TMEM132D: variants seen among roughly 807,000 people sequenced by gnomAD.
TMEM132D encodes mature OL transmembrane protein.
Under a neutral mutation model 62.3 loss-of-function variants are expected in TMEM132D, and 21 were observed. That is an observed-to-expected ratio of 0.34 (90% confidence interval 0.24 to 0.49). The LOEUF is 0.49. Among genes scored for constraint, TMEM132D ranks in the 20% least tolerant of loss-of-function variants. TMEM132D has a pLI of 0.99. For synonymous variants in TMEM132D, 621 were observed against 575.6 expected (o/e 1.08, Z -1.13); for missense variants, 1,346 against 1,402.8 (o/e 0.96, Z 0.65).
intron 1 of TMEM132D, among the ~76,000 whole-genome samples, chr12:129,841,484 G>C (rs1186162436): frequency 6.6e-6 from 1 of 152,122 alleles, no homozygotes; most frequent in Non-Finnish European, 1.5e-5. Flanking sequence ...TTTCCTCAAA[G>C]CCATGAACTT....
chr12:129,337,255 A>G (rs1869311548), intron 4 of TMEM132D, among the ~76,000 whole-genome samples: 1 of 151,284 alleles, frequency 6.6e-6, no homozygotes, highest in African/African-American at 2.4e-5. Flanking sequence ...ATCTACATGG[A>G]CTCCAGAGCT....
At chr12:129,865,010 G>A (rs1272535802) in intron 1 of TMEM132D, among the ~76,000 whole-genome samples, 1 of 152,042 alleles carries the variant, frequency 6.6e-6, no homozygotes, top group Non-Finnish European at 1.5e-5. Flanking sequence ...TGCTCATCAT[G>A]GAGCCTCCAA....
chr12:129,488,962 GT>G (rs375033472), intron 3 of TMEM132D, among the ~76,000 whole-genome samples: 4 of 152,176 alleles, frequency 2.6e-5, no homozygotes, highest in African/African-American at 9.6e-5. Context: ...AGCAGCGGCA[GT>G]TCATGGGCCA....
At chr12:129,451,584 A>G (rs970606607) in intron 3 of TMEM132D, among the ~76,000 whole-genome samples, 1 of 152,226 alleles carries the variant, frequency 6.6e-6, no homozygotes, top group African/African-American at 2.4e-5. Flanking sequence ...GAAGCCAAAG[A>G]CTAAATTTGA....
At chr12:129,633,280 C>T (rs1013667726) in intron 2 of TMEM132D, among the ~76,000 whole-genome samples, 1 of 152,106 alleles carries the variant, frequency 6.6e-6, no homozygotes, top group African/African-American at 2.4e-5. Context: ...TCAGACAAAT[C>T]CAAAGTTTTC....
intron 1 of TMEM132D, among the ~76,000 whole-genome samples, chr12:129,782,419 CTGTGCCT>C (rs1871145283): frequency 1.3e-5 from 2 of 152,314 alleles, no homozygotes; most frequent in South Asian, 4.1e-4. Flanking sequence ...ATTTACCTTT[CTGTGCCT>C]TTGTTGTTTG....
chr12:129,664,591 A>AT (rs1434820667), intron 2 of TMEM132D, among the ~76,000 whole-genome samples: 1 of 151,442 alleles, frequency 6.6e-6, no homozygotes, highest in East Asian at 1.9e-4. Context: ...CGCCCAGCTA[A>AT]TTTTTTTGTA....
In TMEM132D at chr12:129,851,735, A is replaced by G. The variant is rs570601540; in HGVS notation, c.79+51526T>C. Among the ~76,000 whole-genome samples, 6 of 152,276 alleles carry G rather than the reference A, an allele frequency of 3.9e-5. No individual in the cohort carries two copies. In the East Asian group the frequency reaches 9.7e-4, roughly 25 times the overall value. On this transcript the variant is annotated intron_variant, in intron 1 of 8. Coordinates refer to ENST00000422113, the MANE Select transcript of TMEM132D (RefSeq NM_133448.3). ...AAACTCCAAGGGAGACGCCTGCAAC[A>G]CTGTCTATGTCAGGGGCCAGCAAAC...
chr12:129,620,901 T>C (rs544962913), intron 2 of TMEM132D, among the ~76,000 whole-genome samples: 1 of 152,240 alleles, frequency 6.6e-6, no homozygotes, highest in South Asian at 2.1e-4. Context: ...GATGGGTTCA[T>C]AGGCACAGCA....
At chr12:129,689,537 T>A (rs952493214) in intron 2 of TMEM132D, among the ~76,000 whole-genome samples, 1 of 152,160 alleles carries the variant, frequency 6.6e-6, no homozygotes, top group Non-Finnish European at 1.5e-5. Flanking sequence ...TGACTCCCAA[T>A]TCTTCCAGTC....
intron 5 of TMEM132D, among the ~76,000 whole-genome samples, chr12:129,098,210 T>C (rs1471028642): frequency 6.6e-6 from 1 of 152,192 alleles, no homozygotes; most frequent in East Asian, 1.9e-4. Context: ...AATTGATGAA[T>C]AAGACAGAAA....
intron 2 of TMEM132D, among the ~76,000 whole-genome samples, chr12:129,562,694 A>G (rs1877268359): frequency 3.3e-5 from 5 of 152,274 alleles, no homozygotes; most frequent in Middle Eastern, 3.4e-3. Context: ...CTGTGTGTGC[A>G]AGAACTTAAC....
At chr12:129,799,072 C>G (rs1414037523) in intron 1 of TMEM132D, among the ~76,000 whole-genome samples, 1 of 152,116 alleles carries the variant, frequency 6.6e-6, no homozygotes, top group Non-Finnish European at 1.5e-5. Context: ...GAGACCAATC[C>G]TGTCCAACAC....
chr12:129,758,939 T>C (rs1565975734), intron 1 of TMEM132D, among the ~76,000 whole-genome samples: 1 of 149,580 alleles, frequency 6.7e-6, no homozygotes, highest in Admixed American at 6.6e-5. Context: ...TTTCTTTCTT[T>C]TTTTTTTTTT....
chr12:129,518,417 C>G, intron 3 of TMEM132D, among the ~76,000 whole-genome samples: 1 of 151,916 alleles, frequency 6.6e-6, no homozygotes, highest in East Asian at 1.9e-4. Context: ...GGTTTGAATT[C>G]AGGAGGAAAT....
chr12:129,080,995 G>T (rs1386530272), intron 7 of TMEM132D, among the ~76,000 whole-genome samples: 3 of 152,238 alleles, frequency 2.0e-5, no homozygotes, highest in Admixed American at 6.5e-5. Context: ...AGTTGTTCAG[G>T]TTCTCATCAG....
At chr12:129,693,918 C>T (rs1473154556) in intron 2 of TMEM132D, among the ~76,000 whole-genome samples, 1 of 152,176 alleles carries the variant, frequency 6.6e-6, no homozygotes, top group Non-Finnish European at 1.5e-5. Context: ...CCTAGTAACA[C>T]CTCTTCCCAC....
At chr12:129,772,926 C>T (rs190216153) in intron 1 of TMEM132D, among the ~76,000 whole-genome samples, 178 of 152,316 alleles carry the variant, frequency 1.2e-3, no homozygotes, top group African/African-American at 3.9e-3. Context: ...GACATAGATG[C>T]TGACAGAGTG....
intron 1 of TMEM132D, among the ~76,000 whole-genome samples, chr12:129,768,020 A>G (rs565948504): frequency 1.3e-5 from 2 of 152,188 alleles, no homozygotes; most frequent in Non-Finnish European, 2.9e-5. Context: ...CTTATTCACT[A>G]TCATGAGAAC....
Sources: gnomAD v4.1 joint callset for allele counts (sites outside exome capture counted in the v4.1 genomes callset) on GRCh38, gnomAD v4.1.1 for gene constraint, MANE v1.5 for transcripts, NCBI Gene and HGNC (gene_info 2026-07-23, HGNC 2026-07-21) for gene names.